The following PJA2 variants were observed in gnomAD, a reference collection of about 807,000 sequenced individuals.
PJA2 encodes the protein praja ring finger ubiquitin ligase 2.
PJA2 carries 25 observed loss-of-function variants against 69.3 expected under a neutral mutation model. The observed-to-expected ratio is 0.36, with a 90% CI of 0.26 to 0.50. The LOEUF (loss-of-function observed/expected upper bound fraction) is 0.50, where lower values mean the gene tolerates loss of function less well. Ranked by LOEUF, PJA2 falls within the 20% of genes least tolerant of loss-of-function variation. The pLI, the probability that PJA2 is intolerant of heterozygous loss-of-function variation, is 0.96. For missense variants in PJA2, 809 were observed against 830.2 expected (o/e 0.97, Z 0.31); for synonymous variants, 308 against 277.8 (o/e 1.11, Z -1.08).
chr5:109,391,494 T>C (rs1305924726), intron 1 of PJA2, among the ~76,000 whole-genome samples: 1 of 152,170 alleles, frequency 6.6e-6, no homozygotes, highest in African/African-American at 2.4e-5. Context: ...ACCTTTTTTT[T>C]TTCTTTTTTG....
intron 1 of PJA2, among the ~76,000 whole-genome samples, chr5:109,396,113 C>T (rs78298001): frequency 2.0e-5 from 3 of 151,808 alleles, no homozygotes; most frequent in Non-Finnish European, 2.9e-5. Flanking sequence ...GAGATATTAG[C>T]AAGCCATTAC....
At chr5:109,393,456 A>G (rs964627121) in intron 1 of PJA2, among the ~76,000 whole-genome samples, 2 of 152,172 alleles carry the variant, frequency 1.3e-5, no homozygotes, top group African/African-American at 4.8e-5. Flanking sequence ...TGCATATGAT[A>G]TGGTTAAGCA....
At chr5:109,355,454 C>T (rs1229260485) in intron 7 of PJA2, among the ~76,000 whole-genome samples, 2 of 152,112 alleles carry the variant, frequency 1.3e-5, no homozygotes, top group African/African-American at 2.4e-5. Context: ...AAATATGCCC[C>T]ACTTATTAAA....
chr5:109,400,762 G>A (rs1005706323), intron 1 of PJA2, among the ~76,000 whole-genome samples: 2 of 151,762 alleles, frequency 1.3e-5, no homozygotes, highest in Non-Finnish European at 2.9e-5. Context: ...GGTGGATCAC[G>A]AGGTCAGGAG....
intron 1 of PJA2, among the ~76,000 whole-genome samples, chr5:109,395,892 C>T (rs972458366): frequency 1.3e-5 from 2 of 151,270 alleles, no homozygotes; most frequent in African/African-American, 4.8e-5. Flanking sequence ...CCCAGCTACT[C>T]GGGAGGCTGA....
chr5:109,392,530 C>T (rs561343928), intron 1 of PJA2, among the ~76,000 whole-genome samples: 188 of 136,558 alleles, frequency 1.4e-3, no homozygotes, highest in African/African-American at 5.2e-3. Context: ...CAATGCACTC[C>T]AGCCTGGGCA....
rs1400599536 is a variant in PJA2 at position 109,336,225 on chromosome 5, T to C, written c.*1006A>G. On this transcript the variant is annotated 3_prime_UTR_variant, in exon 10 of 10. Transcript: ENST00000361189. ...TCTAGTGTTAACATCAAATCACATT[T>C]GTAAGTGAACTATTATGTCCATGTT... The C allele has an allele frequency of 1.3e-5, 2 of 152,230 alleles. No homozygotes were observed. Among genetic ancestry groups the C allele is most frequent in the African/African-American group, 2.4e-5 (1 of 41,440 alleles). The allele number at this position is 152,230 out of a possible 1,614,324, so 9.4% of individuals were successfully genotyped here.
At chr5:109,404,604 G>T (rs548768291) in intron 1 of PJA2, among the ~76,000 whole-genome samples, 1 of 152,270 alleles carries the variant, frequency 6.6e-6, no homozygotes, top group Non-Finnish European at 1.5e-5. Flanking sequence ...TAGATTCAGC[G>T]TTTGGTGAGA....
At chr5:109,347,172 G>A (rs1332188610) in intron 7 of PJA2, among the ~76,000 whole-genome samples, 3 of 152,200 alleles carry the variant, frequency 2.0e-5, no homozygotes, top group Non-Finnish European at 4.4e-5. Flanking sequence ...GAGAAACACT[G>A]CAAAAAGAAA....
intron 7 of PJA2, among the ~76,000 whole-genome samples, chr5:109,348,404 T>TA (rs1378841502): frequency 6.6e-6 from 1 of 152,228 alleles, no homozygotes; most frequent in Non-Finnish European, 1.5e-5. Context: ...GTTGACTTCT[T>TA]AGTCTCATCA....
intron 7 of PJA2, among the ~76,000 whole-genome samples, chr5:109,354,980 G>C (rs1034495208): frequency 6.6e-6 from 1 of 151,796 alleles, no homozygotes; most frequent in African/African-American, 2.4e-5. Context: ...ACCAAAACCA[G>C]GTCTGATGGC....
chr5:109,354,667 A>G (rs1762381078), intron 7 of PJA2, among the ~76,000 whole-genome samples: 1 of 147,170 alleles, frequency 6.8e-6, no homozygotes, highest in African/African-American at 2.5e-5. Context: ...TATATAATAT[A>G]CAATATATTA....
At chr5:109,357,186 C>A (rs1042423612) in intron 6 of PJA2, among the ~76,000 whole-genome samples, 1 of 152,132 alleles carries the variant, frequency 6.6e-6, no homozygotes, top group Admixed American at 6.6e-5. Flanking sequence ...ACTCCTACCA[C>A]CTCTTAAGTC....
intron 8 of PJA2, 49 bp downstream of exon 8, chr5:109,344,656 T>G: frequency 8.1e-7 from 1 of 1,239,518 alleles, no homozygotes. Flanking sequence ...GATAATATAC[T>G]TAAATGTACA....
At chr5:109,358,368 A>G (rs765411663) in intron 6 of PJA2, among the ~76,000 whole-genome samples, 4 of 152,206 alleles carry the variant, frequency 2.6e-5, no homozygotes, top group Admixed American at 6.5e-5. Flanking sequence ...TAGTTAATCT[A>G]TGATTTACAG....
At chr5:109,371,832 G>T (rs755881618) in intron 4 of PJA2, among the ~76,000 whole-genome samples, 5 of 152,128 alleles carry the variant, frequency 3.3e-5, no homozygotes, top group Non-Finnish European at 5.9e-5. Flanking sequence ...ACAGGTCCTG[G>T]TCAGCTTGCC....
At chr5:109,403,421 C>T (rs988808934) in intron 1 of PJA2, among the ~76,000 whole-genome samples, 2 of 151,934 alleles carry the variant, frequency 1.3e-5, no homozygotes, top group Admixed American at 6.5e-5. Flanking sequence ...CAGAAGAGTT[C>T]ACATGCAAAC....
At chr5:109,400,712 G>A (rs1211025117) in intron 1 of PJA2, among the ~76,000 whole-genome samples, 1 of 152,160 alleles carries the variant, frequency 6.6e-6, no homozygotes, top group Non-Finnish European at 1.5e-5. Flanking sequence ...GGGCATGGTG[G>A]CTCACACCTG....
chr5:109,358,999 G>T (rs1016843529), intron 6 of PJA2, among the ~76,000 whole-genome samples: 2 of 152,118 alleles, frequency 1.3e-5, no homozygotes, highest in African/African-American at 4.8e-5. Flanking sequence ...GCTTGAGCTG[G>T]GTAGGTGGGT....
Sources: allele counts gnomAD v4.1 joint callset (sites outside exome capture counted in the v4.1 genomes callset), GRCh38; gene constraint gnomAD v4.1.1; transcripts MANE v1.5; gene names NCBI Gene and HGNC (gene_info 2026-07-23, HGNC 2026-07-21).